TMEM135: variants seen among roughly 807,000 people sequenced by gnomAD.
TMEM135 encodes the protein peroxisomal membrane protein 52.
A neutral mutation model predicts 60.3 loss-of-function variants in TMEM135; 30 were observed. That is an observed-to-expected ratio of 0.50 (90% CI 0.37 to 0.68). The LOEUF is 0.68. Among genes scored for constraint, TMEM135 ranks in the 30% least tolerant of loss-of-function variants. The probability of loss-of-function intolerance (pLI) is 0.00; values close to 1 mark genes in which losing one functional copy is unlikely to be tolerated. For missense variants in TMEM135, 468 were observed against 548.8 expected, an observed-to-expected ratio of 0.85 and a Z score of 1.47; for synonymous variants, 190 against 186.7, an observed-to-expected ratio of 1.02 and a Z score of -0.14.
At chr11:87,117,224 A>G (rs897198811) in intron 4 of TMEM135, among the ~76,000 whole-genome samples, 1 of 152,206 alleles carries the variant, frequency 6.6e-6, no homozygotes, top group Non-Finnish European at 1.5e-5. Context: ...AATCTTTGGA[A>G]GGCCTTGCCC....
At position 87,191,987 on chromosome 11, in the gene TMEM135, C is replaced by CTTTTCTT. The variant is rs1450670381; in HGVS notation, c.462+34585_462+34586insCTTTTTT. Among the ~76,000 whole-genome samples, 7 of 77,180 alleles carry CTTTTCTT rather than the reference C, an allele frequency of 9.1e-5. No individual in the cohort carries two copies. The East Asian group carries it at 1.9e-3, about 21-fold the overall frequency. 50.6% of individuals were successfully genotyped at this position (77,180 alleles called of 152,430 possible). A position where few individuals can be genotyped will look rare whatever the true frequency, so the allele number is the denominator to read the frequency against. ...TCTTTTGTTTCTTTTCTTTTCTTTTCTTTTTTTTTTTTTTTTTTCGAGATG... is the reference window on the plus strand; with the variant it reads ...TCTTTTGTTTCTTTTCTTTTCTTTTCTTTTCTTTTTTTTTTTTTTTTTTTTCGAGATG... On this transcript the variant is annotated intron_variant, in intron 5 of 14. Coordinates refer to ENST00000305494, the MANE Select transcript of TMEM135 (RefSeq NM_022918.4).
rs1445958155 is a variant in TMEM135, at chr11:87,328,772, G to A, written c.*7439G>A. 6.6e-6 allele frequency: 3 copies of A among 454,038 alleles called. No individual in the cohort carries two copies. In the Admixed American group the frequency reaches 7.0e-5, roughly 11 times the overall value. 28.1% of individuals were successfully genotyped at this position (454,038 alleles called of 1,614,324 possible). A position where few individuals can be genotyped will look rare whatever the true frequency, so the allele number is the denominator to read the frequency against. ...GTCTATGGGCACTTTGGTTGATTCT[G>A]TATCTTTGCAATTGTGAACTGTGTT... On this transcript the variant is annotated 3_prime_UTR_variant, in exon 15 of 15. Transcript: ENST00000305494.
At chr11:87,319,921 C>G (rs983385841) in intron 14 of TMEM135, among the ~76,000 whole-genome samples, 3 of 152,110 alleles carry the variant, frequency 2.0e-5, no homozygotes, top group African/African-American at 7.2e-5. Flanking sequence ...CTACCTTCAG[C>G]TGTGTTGCTA....
intron 5 of TMEM135, among the ~76,000 whole-genome samples, chr11:87,183,091 T>C (rs1939558163): frequency 6.6e-6 from 1 of 151,710 alleles, no homozygotes; most frequent in African/African-American, 2.4e-5. Context: ...TGTAGCTGTC[T>C]AAATTACTGA....
rs182317611 is a variant in TMEM135 at position 87,073,641 on chromosome 11, A to G, written c.362+2026A>G. Among the ~76,000 whole-genome samples the G allele has an allele frequency of 8.5e-5, 13 of 152,186 alleles. No individual in the cohort carries two copies. The East Asian group carries it at 2.3e-3, about 27-fold the overall frequency. On this transcript the variant is annotated intron_variant, in intron 3 of 14. Coordinates refer to ENST00000305494, the MANE Select transcript of TMEM135 (RefSeq NM_022918.4). ...ATTCATTACTTGAAAAATGAAAATAATGATAATCTATTTGTAGGATTGTTT... is the reference window on the plus strand; with the variant it reads ...ATTCATTACTTGAAAAATGAAAATAGTGATAATCTATTTGTAGGATTGTTT...
intron 6 of TMEM135, among the ~76,000 whole-genome samples, chr11:87,247,617 C>T (rs615977): frequency 0.66 from 100,174 of 151,994 alleles, 33,592 homozygotes; most frequent in Non-Finnish European, 0.71. Context: ...GACTGCTGTG[C>T]TAGCAGTCAG....
At chr11:87,128,398 A>G (rs1405362915) in intron 4 of TMEM135, among the ~76,000 whole-genome samples, 1 of 152,026 alleles carries the variant, frequency 6.6e-6, no homozygotes, top group Non-Finnish European at 1.5e-5. Context: ...TTTTTCTTGC[A>G]GATTTCTGAT....
chr11:87,119,074 A>C (rs1017583047), intron 4 of TMEM135, among the ~76,000 whole-genome samples: 7 of 152,196 alleles, frequency 4.6e-5, no homozygotes, highest in African/African-American at 1.7e-4. Context: ...CTTTGCATTT[A>C]CAACTTGGCT....
intron 5 of TMEM135, among the ~76,000 whole-genome samples, chr11:87,176,644 G>A (rs929493964): frequency 2.0e-5 from 3 of 152,126 alleles, no homozygotes; most frequent in African/African-American, 7.2e-5. Flanking sequence ...TTAGAGGATT[G>A]AAGTCCATGG....
chr11:87,153,450 A>C (rs1938610410), intron 4 of TMEM135, among the ~76,000 whole-genome samples: 1 of 152,178 alleles, frequency 6.6e-6, no homozygotes, highest in African/African-American at 2.4e-5. Context: ...TATTGTCAGC[A>C]AGTATTACTG....
intron 4 of TMEM135, among the ~76,000 whole-genome samples, chr11:87,120,456 G>A (rs931249978): frequency 6.9e-6 from 1 of 145,474 alleles, no homozygotes; most frequent in African/African-American, 2.5e-5. Flanking sequence ...ATAAAATATA[G>A]CATGAGATGA....
chr11:87,130,325 A>G (rs1380607939), intron 4 of TMEM135, among the ~76,000 whole-genome samples: 1 of 152,146 alleles, frequency 6.6e-6, no homozygotes, highest in Non-Finnish European at 1.5e-5. Flanking sequence ...GATAATGATG[A>G]TAGTAAGGAT....
intron 1 of TMEM135, among the ~76,000 whole-genome samples, chr11:87,059,754 CCTA>C (rs1447678412): frequency 6.6e-6 from 1 of 152,186 alleles, no homozygotes; most frequent in African/African-American, 2.4e-5. Flanking sequence ...TTTCAAAATG[CCTA>C]CTATGTGCTA....
chr11:87,288,821 A>G lies in TMEM135; in HGVS notation c.510-6961A>G, dbSNP rs1591171674. 2.0e-5 allele frequency among the ~76,000 whole-genome samples: 3 copies of G among 151,946 alleles called. No homozygotes were observed. In the East Asian group the frequency reaches 5.8e-4, roughly 30 times the overall value. ...GAAGAAATACTTTTTTTCATTTTTT[A>G]GGTGTTTATTTAAAATGCGTAATAT... On this transcript the variant is annotated intron_variant, in intron 6 of 14. Coordinates refer to ENST00000305494, the MANE Select transcript of TMEM135 (RefSeq NM_022918.4).
chr11:87,296,285 A>G (rs1188962556), intron 7 of TMEM135, among the ~76,000 whole-genome samples: 1 of 152,214 alleles, frequency 6.6e-6, no homozygotes, highest in African/African-American at 2.4e-5. Context: ...CACATAGTAT[A>G]TACTGTAGAA....
intron 1 of TMEM135, among the ~76,000 whole-genome samples, chr11:87,053,303 A>G (rs970986049): frequency 1.4e-4 from 20 of 147,622 alleles, no homozygotes; most frequent in Non-Finnish European, 2.5e-4. Context: ...ATATATATAT[A>G]TATATGGATA....
intron 4 of TMEM135, among the ~76,000 whole-genome samples, chr11:87,139,020 A>T (rs376410480): frequency 6.6e-6 from 1 of 152,230 alleles, no homozygotes; most frequent in East Asian, 1.9e-4. Context: ...CATCTCTAGT[A>T]TTTATTACTG....
intron 6 of TMEM135, among the ~76,000 whole-genome samples, chr11:87,270,161 T>C (rs1441663944): frequency 2.0e-5 from 3 of 149,194 alleles, no homozygotes; most frequent in African/African-American, 7.4e-5. Context: ...AAGTGTCTGT[T>C]CATGTCCTTT....
intron 6 of TMEM135, among the ~76,000 whole-genome samples, chr11:87,252,949 T>G (rs1436127316): frequency 6.6e-6 from 1 of 151,838 alleles, no homozygotes; most frequent in African/African-American, 2.4e-5. Context: ...AATGCAAAAT[T>G]TGTTCAATGA....
Sources: allele counts gnomAD v4.1 joint callset (sites outside exome capture counted in the v4.1 genomes callset), GRCh38; gene constraint gnomAD v4.1.1; transcripts MANE v1.5; gene names NCBI Gene and HGNC (gene_info 2026-07-23, HGNC 2026-07-21).